Variants in DNAH7 observed in about 807,000 individuals in gnomAD.
DNAH7 encodes axonemal beta dynein heavy chain 7.
In DNAH7, 397 loss-of-function variants were observed where a neutral mutation model predicts 444.6. The ratio of observed to expected loss-of-function variants is 0.89; its 90% CI spans 0.82 to 0.97. DNAH7 has a LOEUF of 0.97. DNAH7 is among the 50% of genes least tolerant of loss of function. The pLI, the probability that DNAH7 is intolerant of heterozygous loss-of-function variation, is 0.00. For missense variants in DNAH7, 4,902 were observed against 4,800.8 expected, an observed-to-expected ratio of 1.02 and a Z score of -0.62; for synonymous variants, 1,636 against 1,624.4, an observed-to-expected ratio of 1.01 and a Z score of -0.17.
intron 23 of DNAH7, among the ~76,000 whole-genome samples, chr2:195,922,958 G>C (rs1461531484): frequency 6.6e-6 from 1 of 151,972 alleles, no homozygotes; most frequent in East Asian, 1.9e-4. Flanking sequence ...GCCTCCTGGG[G>C]TTCAAGCAAT....
intron 47 of DNAH7, among the ~76,000 whole-genome samples, chr2:195,842,285 A>G (rs955579923): frequency 2.6e-5 from 4 of 152,060 alleles, no homozygotes; most frequent in African/African-American, 7.2e-5. Flanking sequence ...AACAGCCCCA[A>G]AAGTTAATTA....
intron 38 of DNAH7, among the ~76,000 whole-genome samples, chr2:195,874,222 G>T (rs568367818): frequency 6.6e-6 from 1 of 152,206 alleles, no homozygotes; most frequent in African/African-American, 2.4e-5. Flanking sequence ...GACTTCACTG[G>T]CTGCTTGCAT....
intron 9 of DNAH7, among the ~76,000 whole-genome samples, chr2:196,018,767 G>A (rs1454486012): frequency 6.6e-6 from 1 of 152,046 alleles, no homozygotes; most frequent in Non-Finnish European, 1.5e-5. Flanking sequence ...ACAACCGGAG[G>A]ACTACAGTCA....
At chr2:195,833,558 T>C (rs147389740) in intron 48 of DNAH7, among the ~76,000 whole-genome samples, 95 of 152,354 alleles carry the variant, frequency 6.2e-4, no homozygotes, top group African/African-American at 2.2e-3. Flanking sequence ...CAAAATTTGA[T>C]GGGCTACATG....
intron 19 of DNAH7, among the ~76,000 whole-genome samples, chr2:195,946,405 G>A (rs1255765360): frequency 1.3e-5 from 2 of 152,062 alleles, no homozygotes; most frequent in African/African-American, 2.4e-5. Context: ...CCCAGACAAC[G>A]AACAAACCTA....
At chr2:195,888,028 C>A (rs1256350866) in intron 33 of DNAH7, among the ~76,000 whole-genome samples, 1 of 151,964 alleles carries the variant, frequency 6.6e-6, no homozygotes, top group Non-Finnish European at 1.5e-5. Context: ...CATGGTTATG[C>A]GGGCCTTTGA....
intron 13 of DNAH7, 99 bp from the exon 14 acceptor site, chr2:195,987,292 T>A: frequency 2.3e-6 from 2 of 857,840 alleles, no homozygotes; most frequent in Non-Finnish European, 3.4e-6. Flanking sequence ...GTGTGTGATG[T>A]AACAAGATTG....
chr2:196,018,521 T>C (rs553640846), intron 9 of DNAH7, among the ~76,000 whole-genome samples: 2 of 152,216 alleles, frequency 1.3e-5, no homozygotes, highest in East Asian at 3.9e-4. Context: ...ATAAAATAAA[T>C]GTCCTTGGAA....
At position 195,969,963 on chromosome 2, in the gene DNAH7, A is replaced by C; in HGVS notation, c.2190T>G (p.Asp730Glu). The C allele has an allele frequency of 6.2e-7, 1 of 1,606,172 alleles. No individual in the cohort carries two copies. The highest frequency in any genetic ancestry group is 1.1e-5 in the South Asian group (1 of 88,314). Residue 730 changes from aspartate (D) to glutamate (E), a missense_variant, in exon 17 of 65, where the codon GAT becomes GAG. Transcript: ENST00000312428. ...KKAQILNGKL[D>E]LAADKIEQFN... ...TGAATTATACCTTATCTGCAGCTAAATCCAACTTTCCATTCAGTATTTGAG... is the reference window on the plus strand; with the variant it reads ...TGAATTATACCTTATCTGCAGCTAACTCCAACTTTCCATTCAGTATTTGAG...
intron 23 of DNAH7, among the ~76,000 whole-genome samples, chr2:195,922,415 C>T (rs1186466205): frequency 1.3e-5 from 2 of 151,988 alleles, no homozygotes; most frequent in Admixed American, 1.3e-4. Context: ...AGTATTTGTC[C>T]CTTACCTCTT....
chr2:195,968,560 T>C (rs1052289653), intron 17 of DNAH7, among the ~76,000 whole-genome samples: 1 of 152,010 alleles, frequency 6.6e-6, no homozygotes, highest in Admixed American at 6.5e-5. Context: ...GTCACCTTCA[T>C]GGGTGTGAGC....
chr2:195,853,407 CCA>C lies in DNAH7; in HGVS notation c.8715_8716del (p.Asp2907TyrfsTer19). 6.2e-7 allele frequency: 1 copy of C among 1,614,034 alleles called. No homozygotes were observed. The highest frequency in any genetic ancestry group is 8.5e-7 in the Non-Finnish European group (1 of 1,179,990). ...CACTCCGGAGGAAATGAGGATATCCCCAGTCAAGTTGATGTACAGCTGACCTA... is the reference window on the plus strand; with the variant it reads ...CACTCCGGAGGAAATGAGGATATCCCGTCAAGTTGATGTACAGCTGACCTA... On this transcript the variant is annotated frameshift_variant, in exon 46 of 65. Transcript: ENST00000312428. LOFTEE classifies it high-confidence loss of function.
At chr2:195,821,942 G>C (rs950232243) in intron 49 of DNAH7, among the ~76,000 whole-genome samples, 1 of 152,152 alleles carries the variant, frequency 6.6e-6, no homozygotes, top group African/African-American at 2.4e-5. Context: ...AAACCCCTAG[G>C]AAGATGATTC....
At chr2:195,844,228 A>G (rs1482187801) in intron 47 of DNAH7, among the ~76,000 whole-genome samples, 1 of 152,184 alleles carries the variant, frequency 6.6e-6, no homozygotes, top group Admixed American at 6.5e-5. Flanking sequence ...CCATCATATC[A>G]ATTACTTTTT....
chr2:195,788,850 T>C (rs1376847046), intron 57 of DNAH7, among the ~76,000 whole-genome samples: 2 of 152,238 alleles, frequency 1.3e-5, no homozygotes, highest in Non-Finnish European at 2.9e-5. Context: ...CATGAACTTG[T>C]CTGCATGTAT....
At chr2:195,969,597 G>A (rs910644488) in intron 17 of DNAH7, among the ~76,000 whole-genome samples, 7 of 152,090 alleles carry the variant, frequency 4.6e-5, no homozygotes, top group Non-Finnish European at 1.5e-5. Flanking sequence ...GAACTAAACC[G>A]TAACCAGGTA....
chr2:195,988,084 A>C lies in DNAH7; in HGVS notation c.1499T>G (p.Leu500Ter), dbSNP rs201645794. Residue 500 changes from leucine to a stop codon, truncating the protein, a stop_gained, in exon 13 of 65, where the codon TTA (leucine) becomes TGA (stop). Coordinates refer to ENST00000312428, the MANE Select transcript of DNAH7 (RefSeq NM_018897.3). LOFTEE classifies it high-confidence loss of function. ...ATCTCGCTCAGCTTTTCTGGTAATT[A>C]AAAAGTCATACTTGTCATAGAGTCT... is the stretch of plus-strand genomic sequence containing the variant. The part of the protein sequence containing the change: ...HLRLYDKYDF[L>*]ITRKAERDVD... The C allele has an allele frequency of 1.9e-5, 31 of 1,613,598 alleles. No homozygotes were observed. Among genetic ancestry groups the C allele is most frequent in the African/African-American group, 2.7e-5 (2 of 74,908 alleles).
chr2:195,960,402 A>G lies in DNAH7; in HGVS notation c.2749T>C (p.Phe917Leu), dbSNP rs1055087844. 1.9e-6 allele frequency: 3 copies of G among 1,614,094 alleles called. No homozygotes were observed. The highest frequency in any genetic ancestry group is 1.7e-5 in the Admixed American group (1 of 60,002). The change falls in exon 18 of 65, where the codon TTT (phenylalanine) becomes CTT (leucine). Residue 917 changes from phenylalanine to leucine, a missense_variant. By Grantham distance (22) the Phe-to-Leu change is conservative. Transcript: ENST00000312428. Reference protein sequence around the residue: ...KMITEWDAVEFVIHSYRETGT... With the variant: ...KMITEWDAVELVIHSYRETGT... ...GTTTCTCTATAAGAATGGATGACAA[A>G]TTCCACTGCATCCCACTCAGTAATC...
At chr2:195,906,564 G>T in intron 27 of DNAH7, 95 bp downstream of exon 27, 1 of 1,249,462 alleles carries the variant, frequency 8.0e-7, no homozygotes. Context: ...AAAGTGCTAG[G>T]ATTATAGGCG....
Sources: allele counts gnomAD v4.1 joint callset (sites outside exome capture counted in the v4.1 genomes callset), GRCh38; gene constraint gnomAD v4.1.1; transcripts MANE v1.5; gene names NCBI Gene and HGNC (gene_info 2026-07-23, HGNC 2026-07-21).